Variants in SLC25A29 observed in about 807,000 individuals in gnomAD.
SLC25A29 encodes the protein mitochondrial basic amino acids transporter.
A neutral mutation model predicts 10.0 loss-of-function variants in SLC25A29; 13 were observed. The ratio of observed to expected loss-of-function variants is 1.30; its 90% CI spans 0.85 to 2.07. The LOEUF (loss-of-function observed/expected upper bound fraction) is 2.07. Ranked by LOEUF, SLC25A29 falls within the 30% of genes most tolerant of loss-of-function variation. The pLI is 0.00. For synonymous variants in SLC25A29, 244 were observed against 221.1 expected (o/e 1.10, Z -0.92); for missense variants, 475 against 447.6 (o/e 1.06, Z -0.55).
At chr14:100,302,035 T>C (rs1892592040) in intron 1 of SLC25A29, among the ~76,000 whole-genome samples, 1 of 149,158 alleles carries the variant, frequency 6.7e-6, no homozygotes, top group Non-Finnish European at 1.5e-5. Context: ...CAACTGCCAT[T>C]TCATTAGAGC....
Position 100,292,960 on chromosome 14 carries a change from C to T in SLC25A29, c.235G>A (p.Val79Met). The T allele has an allele frequency of 3.7e-6, 6 of 1,603,712 alleles. No homozygotes were observed. Among genetic ancestry groups the T allele is most frequent in the Non-Finnish European group, 5.1e-6 (6 of 1,175,756 alleles). Residue 79 changes from valine to methionine, a missense_variant, in exon 4 of 4, where the codon GTG becomes ATG. By Grantham distance (21) the Val-to-Met change is conservative. Transcript: ENST00000359232. ...AGGGCCCGGAGGGTGTTGCCCTGCA[C>T]CCCGAACACCAGCGCGTTGATGAAG... ...LTFINALVFG[V>M]QGNTLRALGH... is the part of the protein sequence containing the mutation.
At chr14:100,279,785 C>A in the SLC25A29 span, 4 of 152,426 alleles carry the variant, frequency 2.6e-5, no homozygotes, top group Admixed American at 6.5e-5. Flanking sequence ...GCACTGGAGC[C>A]TGGCCCTGGC....
the SLC25A29 span, chr14:100,281,475 ACT>A: frequency 6.6e-6 from 1 of 152,148 alleles, no homozygotes; most frequent in African/African-American, 2.4e-5. Context: ...TCCTGGATAC[ACT>A]GACAGTAATG....
rs369683498 is a variant in SLC25A29 at position 100,306,204 on chromosome 14, G to T, written c.29C>A (p.Ala10Glu). The change falls in exon 1 of 4, where the codon GCG (alanine) becomes GAG (glutamate). Residue 10 changes from alanine (A) to glutamate (E), a missense_variant. Transcript: ENST00000359232. ...CCGGCCCGCCGCCTCCTTACCCCCC[G>T]CGCATCCAGCCAAGAAGTCCAGCGC... MALDFLAGC[A>E]GGVAGVLVGH... 2.7e-6 allele frequency: 4 copies of T among 1,508,502 alleles called. No homozygotes were observed. Among genetic ancestry groups the T allele is most frequent in the Non-Finnish European group, 2.6e-6 (3 of 1,135,718 alleles). 93.4% of individuals were successfully genotyped at this position (1,508,502 alleles called of 1,614,324 possible).
At chr14:100,287,640 C>G (rs1441841211), downstream of SLC25A29, among the ~76,000 whole-genome samples, 1 of 110,002 alleles carries the variant, frequency 9.1e-6, no homozygotes, top group African/African-American at 3.3e-5. Flanking sequence ...CCCCCCCCTC[C>G]GAATTCCTGG....
chr14:100,285,097 G>A, the SLC25A29 span, among the ~76,000 whole-genome samples: 3 of 151,992 alleles, frequency 2.0e-5, no homozygotes, highest in African/African-American at 7.2e-5. Flanking sequence ...GCAGGACGGG[G>A]TCTGAGCACG....
intron 1 of SLC25A29, chr14:100,305,959 G>C: frequency 2.5e-6 from 1 of 398,258 alleles, no homozygotes. Flanking sequence ...CTGCCCCGGC[G>C]CCCCAGACCT....
rs1892950985 is a variant in SLC25A29 at position 100,306,309 on chromosome 14, G to A, written c.-77C>T. 3.1e-6 allele frequency: 4 copies of A among 1,286,736 alleles called. No homozygotes were observed. The highest frequency in any genetic ancestry group is 4.0e-5 in the Admixed American group (1 of 24,968). The allele number at this position is 1,286,736 out of a possible 1,614,324, so 79.7% of individuals were successfully genotyped here. A position where few individuals can be genotyped will look rare whatever the true frequency, so the allele number is the denominator to read the frequency against. ...CCTCGCCGGGCTGGGCGCCGTCGGG[G>A]TCCCCGAGCGCGCGGTGCCGGGGCT... On this transcript the variant is annotated 5_prime_UTR_variant, in exon 1 of 4. Transcript: ENST00000359232.
Position 100,306,181 on chromosome 14 carries a change from G to A in SLC25A29, c.34+18C>T, listed in dbSNP as rs1227432165. On this transcript the variant is annotated intron_variant, in intron 1 of 3. Coordinates refer to ENST00000359232, the MANE Select transcript of SLC25A29 (RefSeq NM_001039355.3). ...CGGACGCCTCGCCCCGGCCCGGCCC[G>A]GCCCGCCGCCTCCTTACCCCCCGCG... 3.4e-6 allele frequency: 5 copies of A among 1,473,318 alleles called. No individual in the cohort carries two copies. The highest frequency in any genetic ancestry group is 4.5e-6 in the Non-Finnish European group (5 of 1,117,332). The allele number at this position is 1,473,318 out of a possible 1,614,324, so 91.3% of individuals were successfully genotyped here.
chr14:100,292,006 GCC>G lies in SLC25A29; in HGVS notation c.*275_*276del, dbSNP rs1439596681. ...CAGTTTCCAGGATAACGGTGCAATGGCCTCAGCCAGGCCAGGTGCTGGCTGCT... is the reference window on the plus strand; with the variant it reads ...CAGTTTCCAGGATAACGGTGCAATGGTCAGCCAGGCCAGGTGCTGGCTGCT... On this transcript the variant is annotated 3_prime_UTR_variant, in exon 4 of 4. Coordinates refer to ENST00000359232, the MANE Select transcript of SLC25A29 (RefSeq NM_001039355.3). The G allele has an allele frequency of 6.3e-6, 3 of 478,750 alleles. No individual in the cohort carries two copies. Among genetic ancestry groups the G allele is most frequent in the Non-Finnish European group, 1.1e-5 (3 of 267,924 alleles). The allele number at this position is 478,750 out of a possible 1,614,324, so 29.7% of individuals were successfully genotyped here.
At chr14:100,293,111 C>T in intron 3 of SLC25A29, 79 bp from the exon 4 acceptor site, 2 of 1,458,874 alleles carry the variant, frequency 1.4e-6, no homozygotes, top group South Asian at 2.8e-5. Context: ...CGGGGGATGG[C>T]AGCCCCAGCC....
intron 1 of SLC25A29, among the ~76,000 whole-genome samples, chr14:100,301,880 C>A (rs1892578687): frequency 6.6e-6 from 1 of 152,006 alleles, no homozygotes; most frequent in Non-Finnish European, 1.5e-5. Context: ...CGACTCTCTG[C>A]CTCCTTCTGC....
At chr14:100,300,563 G>A (rs762589423) in intron 1 of SLC25A29, among the ~76,000 whole-genome samples, 4 of 151,670 alleles carry the variant, frequency 2.6e-5, no homozygotes, top group Non-Finnish European at 4.4e-5. Context: ...TTGTAATTTT[G>A]GCAGGATGGG....
At chr14:100,299,270 G>T (rs190813153) in intron 1 of SLC25A29, 1 of 1,048,288 alleles carries the variant, frequency 9.5e-7, no homozygotes, top group Non-Finnish European at 1.2e-6. Context: ...CTCCAGAGAT[G>T]TTGGACTTTG....
chr14:100,293,435 G>A lies in SLC25A29; in HGVS notation c.79-58C>T, dbSNP rs950722351. The stretch of plus-strand genomic sequence containing the variant: ...GGCAGGACCAGAGCACCCAGCTCCC[G>A]GGTCTGGTGCTTAGGCTGCCTAGGA... On this transcript the variant is annotated intron_variant, in intron 2 of 3. Coordinates refer to ENST00000359232, the MANE Select transcript of SLC25A29 (RefSeq NM_001039355.3). The A allele has an allele frequency of 7.2e-6, 11 of 1,533,848 alleles. No homozygotes were observed. The East Asian group carries it at 1.1e-4, about 16-fold the overall frequency.
In SLC25A29 at chr14:100,292,655, G is replaced by T; in HGVS notation, c.540C>A (p.Gly180=). Residue 180 remains glycine, a synonymous_variant, in exon 4 of 4, where the codon GGC becomes GGA. Coordinates refer to ENST00000359232, the MANE Select transcript of SLC25A29 (RefSeq NM_001039355.3). ...LTYDALTRAL[G]CEPGDRLLVP... is the part of the protein sequence containing the mutation. ...CCAGCAGGCGGTCGCCCGGCTCGCAGCCCAGCGCCCGCGTGAGAGCGTCAT... is the reference window on the plus strand; with the variant it reads ...CCAGCAGGCGGTCGCCCGGCTCGCATCCCAGCGCCCGCGTGAGAGCGTCAT... 1 of 1,597,654 alleles carries T rather than the reference G, an allele frequency of 6.3e-7. No homozygotes were observed. The highest frequency in any genetic ancestry group is 1.1e-5 in the South Asian group (1 of 88,932).
the SLC25A29 span, among the ~76,000 whole-genome samples, chr14:100,284,355 G>T: frequency 6.6e-6 from 1 of 152,138 alleles, no homozygotes; most frequent in African/African-American, 2.4e-5. Context: ...CCTGGCCTTG[G>T]AAGGGTCCTC....
In SLC25A29 at chr14:100,292,332, A is replaced by C; in HGVS notation, c.863T>G (p.Val288Gly). The C allele has an allele frequency of 6.7e-7, 1 of 1,499,964 alleles. No individual in the cohort carries two copies. The highest frequency in any genetic ancestry group is 8.9e-7 in the Non-Finnish European group (1 of 1,129,522). 92.9% of individuals were successfully genotyped at this position (1,499,964 alleles called of 1,614,324 possible). A position where few individuals can be genotyped will look rare whatever the true frequency, so the allele number is the denominator to read the frequency against. ...GGCAGGCCCCGCAGGGGCGGCGGGC[A>C]CAGCCTCGCCCTCGGGCCCGGCCTC... ...GEEAGPEGEAVPAAPAGPALA... is the reference protein window; with the variant it reads ...GEEAGPEGEAGPAAPAGPALA... The change falls in exon 4 of 4, where the codon GTG (valine) becomes GGG (glycine). Residue 288 changes from valine (V) to glycine (G), a missense_variant. Transcript: ENST00000359232.
At chr14:100,283,091 G>A in the SLC25A29 span, among the ~76,000 whole-genome samples, 1 of 152,208 alleles carries the variant, frequency 6.6e-6, no homozygotes, top group Non-Finnish European at 1.5e-5. Context: ...CCACGCAGCC[G>A]GACCTATGAG....
Sources: gnomAD v4.1 joint callset for allele counts (sites outside exome capture counted in the v4.1 genomes callset) on GRCh38, gnomAD v4.1.1 for gene constraint, MANE v1.5 for transcripts, NCBI Gene and HGNC (gene_info 2026-07-23, HGNC 2026-07-21) for gene names.